The following PDE7B variants were observed in gnomAD, a reference collection of about 807,000 sequenced individuals.
PDE7B encodes phosphodiesterase 7B, also known as 3',5'-cyclic-AMP phosphodiesterase 7B.
Under a neutral mutation model 56.2 loss-of-function variants are expected in PDE7B, and 29 were observed. The observed-to-expected ratio is 0.52, with a 90% CI of 0.38 to 0.70. The LOEUF (loss-of-function observed/expected upper bound fraction) is 0.70. Ranked by LOEUF, PDE7B falls within the 30% of genes least tolerant of loss-of-function variation. PDE7B has a pLI of 0.00. For synonymous variants in PDE7B, 197 were observed against 196.9 expected, an observed-to-expected ratio of 1.00 and a Z score of 0.00; for missense variants, 490 against 565.0, an observed-to-expected ratio of 0.87 and a Z score of 1.35.
chr6:136,065,246 A>G (rs1776913800), intron 2 of PDE7B, among the ~76,000 whole-genome samples: 1 of 152,168 alleles, frequency 6.6e-6, no homozygotes, highest in Admixed American at 6.5e-5. Flanking sequence ...CTATACAATT[A>G]TTTACAAATC....
intron 2 of PDE7B, among the ~76,000 whole-genome samples, chr6:136,011,273 C>G (rs957109786): frequency 6.6e-6 from 1 of 152,104 alleles, no homozygotes; most frequent in Non-Finnish European, 1.5e-5. Context: ...AGGCTGCTCT[C>G]TTATCCAAAT....
At chr6:135,997,284 T>C (rs1364615702) in intron 2 of PDE7B, among the ~76,000 whole-genome samples, 1 of 151,316 alleles carries the variant, frequency 6.6e-6, no homozygotes, top group East Asian at 1.9e-4. Context: ...TGTGGTGGCA[T>C]GCACCTGTAG....
At chr6:136,141,970 T>C (rs1463676248) in intron 3 of PDE7B, among the ~76,000 whole-genome samples, 1 of 152,196 alleles carries the variant, frequency 6.6e-6, no homozygotes, top group Non-Finnish European at 1.5e-5. Flanking sequence ...TCTGCTCTGA[T>C]CTTAGTTATT....
At chr6:135,983,519 G>A (rs528610079) in intron 2 of PDE7B, among the ~76,000 whole-genome samples, 23 of 152,158 alleles carry the variant, frequency 1.5e-4, no homozygotes, top group Non-Finnish European at 2.9e-4. Context: ...TGTTGTGCAG[G>A]GTATAAGAAG....
intron 1 of PDE7B, among the ~76,000 whole-genome samples, chr6:135,926,491 G>A (rs989325139): frequency 6.6e-6 from 1 of 151,954 alleles, no homozygotes; most frequent in African/African-American, 2.4e-5. Flanking sequence ...CTGCGGGTGG[G>A]GGGGGCTTAG....
At chr6:136,186,315 C>T (rs1055128988) in intron 11 of PDE7B, among the ~76,000 whole-genome samples, 11 of 152,002 alleles carry the variant, frequency 7.2e-5, no homozygotes, top group Admixed American at 1.3e-4. Flanking sequence ...GTAGTCCAAG[C>T]TACTTGGGAG....
intron 2 of PDE7B, among the ~76,000 whole-genome samples, chr6:135,953,916 C>G (rs932594998): frequency 5.9e-5 from 9 of 152,146 alleles, no homozygotes; most frequent in African/African-American, 1.4e-4. Flanking sequence ...TTTTAACTTA[C>G]ACTTTCAAAG....
intron 2 of PDE7B, among the ~76,000 whole-genome samples, chr6:135,997,501 T>G (rs929985464): frequency 5.3e-5 from 8 of 149,774 alleles, no homozygotes; most frequent in African/African-American, 2.0e-4. Flanking sequence ...GCATTTATTC[T>G]TTTTCTGAAA....
At chr6:135,904,384 T>C (rs955225438) in intron 1 of PDE7B, among the ~76,000 whole-genome samples, 3 of 152,160 alleles carry the variant, frequency 2.0e-5, no homozygotes, top group African/African-American at 4.8e-5. Flanking sequence ...CCAGAGATTC[T>C]CTCACCCTAA....
At chr6:136,041,077 T>C (rs900490170) in intron 2 of PDE7B, among the ~76,000 whole-genome samples, 1 of 152,250 alleles carries the variant, frequency 6.6e-6, no homozygotes, top group Non-Finnish European at 1.5e-5. Flanking sequence ...TGGTAATGAA[T>C]TGATTTAACT....
chr6:136,127,284 G>GC (rs967123838), intron 3 of PDE7B, among the ~76,000 whole-genome samples: 2 of 151,890 alleles, frequency 1.3e-5, no homozygotes, highest in Admixed American at 1.3e-4. Flanking sequence ...AGCCAAGAAT[G>GC]CCCCCCCAAC....
chr6:135,985,542 A>G (rs1416180432), intron 2 of PDE7B, among the ~76,000 whole-genome samples: 3 of 152,356 alleles, frequency 2.0e-5, no homozygotes, highest in Middle Eastern at 3.4e-3. Context: ...CTTTGGACAT[A>G]GACTCCACTT....
chr6:136,095,904 T>A (rs1777463331), intron 2 of PDE7B: 1 of 152,242 alleles, frequency 6.6e-6, no homozygotes, highest in African/African-American at 2.4e-5. Flanking sequence ...CAATAAATGC[T>A]TGCTATTACT....
intron 2 of PDE7B, among the ~76,000 whole-genome samples, chr6:136,033,404 A>C (rs1192915488): frequency 6.6e-6 from 1 of 152,174 alleles, no homozygotes; most frequent in East Asian, 1.9e-4. Flanking sequence ...AAGGAGGGAG[A>C]GGTCACTCAC....
At chr6:136,052,623 C>A (rs1776651634) in intron 2 of PDE7B, among the ~76,000 whole-genome samples, 1 of 146,874 alleles carries the variant, frequency 6.8e-6, no homozygotes, top group South Asian at 2.3e-4. Context: ...TACAGCCCCC[C>A]CCCACCCACA....
At chr6:136,074,261 GT>G (rs533604565) in intron 2 of PDE7B, among the ~76,000 whole-genome samples, 5 of 151,174 alleles carry the variant, frequency 3.3e-5, no homozygotes, top group East Asian at 1.9e-4. Context: ...GGGATTTGGG[GT>G]TTTTTTGTTG....
intron 8 of PDE7B, 37 bp downstream of exon 8, chr6:136,155,795 T>A: frequency 1.2e-6 from 2 of 1,608,930 alleles, no homozygotes; most frequent in South Asian, 2.2e-5. Context: ...CACAGTATGG[T>A]CAATCGCCTT....
At chr6:136,142,969 A>G (rs532676828) in intron 3 of PDE7B, among the ~76,000 whole-genome samples, 438 of 152,182 alleles carry the variant, frequency 2.9e-3, no homozygotes, top group Non-Finnish European at 5.3e-3. Flanking sequence ...TAATATTGTT[A>G]TGTGTGAATT....
At chr6:135,927,382 T>C (rs1253943702) in intron 1 of PDE7B, among the ~76,000 whole-genome samples, 1 of 152,160 alleles carries the variant, frequency 6.6e-6, no homozygotes, top group Non-Finnish European at 1.5e-5. Context: ...TCTTTTTTGC[T>C]TCTCTATGAC....
Sources: allele counts gnomAD v4.1 joint callset (sites outside exome capture counted in the v4.1 genomes callset), GRCh38; gene constraint gnomAD v4.1.1; transcripts MANE v1.5; gene names NCBI Gene and HGNC (gene_info 2026-07-23, HGNC 2026-07-21).